The following MYO10 variants were observed in gnomAD, a reference collection of about 807,000 sequenced individuals.
MYO10 encodes the protein myosin X.
MYO10 carries 133 observed loss-of-function variants against 257.3 expected under a neutral mutation model. That is an observed-to-expected ratio of 0.52 (90% CI 0.45 to 0.60). The LOEUF is 0.60. MYO10 is among the 20% of genes least tolerant of loss of function. The pLI is 0.00. For missense variants in MYO10, 2,399 were observed against 2,635.7 expected (o/e 0.91, Z 1.97); for synonymous variants, 1,104 against 1,028.6 (o/e 1.07, Z -1.40).
At chr5:16,791,545 T>C (rs10051615) in intron 4 of MYO10, among the ~76,000 whole-genome samples, 3 of 35,604 alleles carry the variant, frequency 8.4e-5, no homozygotes, top group Admixed American at 5.3e-4. Flanking sequence ...AATACATACA[T>C]ACACACACAC....
intron 33 of MYO10, among the ~76,000 whole-genome samples, chr5:16,676,858 A>G (rs1169654185): frequency 1.3e-5 from 2 of 152,220 alleles, no homozygotes; most frequent in Admixed American, 6.5e-5. Flanking sequence ...AAGAGAGCAA[A>G]ATAAAAAAAA....
At chr5:16,820,376 C>T (rs1228802642) in intron 2 of MYO10, among the ~76,000 whole-genome samples, 1 of 152,118 alleles carries the variant, frequency 6.6e-6, no homozygotes, top group Non-Finnish European at 1.5e-5. Context: ...AGAAAAGTGC[C>T]GACCAGGGTG....
At chr5:16,683,021 A>G (rs959259238) in intron 30 of MYO10, among the ~76,000 whole-genome samples, 1 of 152,122 alleles carries the variant, frequency 6.6e-6, no homozygotes, top group Middle Eastern at 3.2e-3. Flanking sequence ...TATGACACAT[A>G]CGTGTTAAAG....
intron 2 of MYO10, among the ~76,000 whole-genome samples, chr5:16,823,463 TGGGGA>T (rs1561003851): frequency 2.1e-4 from 1 of 4,720 alleles, no homozygotes. Context: ...GGGGGGGGAG[TGGGGA>T]TTTTTTTTTT....
At chr5:16,680,315 T>TGGG (rs1442828714) in intron 32 of MYO10, among the ~76,000 whole-genome samples, 1 of 152,096 alleles carries the variant, frequency 6.6e-6, no homozygotes, top group Non-Finnish European at 1.5e-5. Flanking sequence ...ACAGCTGAGA[T>TGGG]GGGGAGATGA....
intron 4 of MYO10, among the ~76,000 whole-genome samples, chr5:16,787,177 C>CT (rs201031709): frequency 0.035 from 5,311 of 150,994 alleles, 292 homozygotes; most frequent in African/African-American, 0.12. Context: ...CCCTGTCTCT[C>CT]TTTTTTTTTG....
At chr5:16,792,024 C>A (rs1451726829) in intron 4 of MYO10, among the ~76,000 whole-genome samples, 1 of 151,884 alleles carries the variant, frequency 6.6e-6, no homozygotes, top group Non-Finnish European at 1.5e-5. Context: ...TATGGCCCAA[C>A]ACATTATTAG....
At position 16,935,684 on chromosome 5, in the gene MYO10, C is replaced by A. The variant is rs137989934; in HGVS notation, c.21+104G>T. 2.8e-4 allele frequency: 388 copies of A among 1,388,208 alleles called. 1 individual carries two copies. In the East Asian group the frequency reaches 7.5e-3, roughly 27 times the overall value. 86.0% of individuals were successfully genotyped at this position (1,388,208 alleles called of 1,614,324 possible). A position where few individuals can be genotyped will look rare whatever the true frequency, so the allele number is the denominator to read the frequency against. ...ATTTCAGGAGACTCCCAGAAAGTTG[C>A]GCCTTCCAGGGCTTAGGAAAAAGTA... On this transcript the variant is annotated intron_variant, in intron 1 of 40. Transcript: ENST00000513610.
intron 2 of MYO10, among the ~76,000 whole-genome samples, chr5:16,870,712 G>GAGA (rs1744429442): frequency 6.6e-6 from 1 of 152,072 alleles, no homozygotes; most frequent in Non-Finnish European, 1.5e-5. Flanking sequence ...GACCAACATG[G>GAGA]AGAAAGCCCA....
chr5:16,819,992 C>T (rs1742749155), intron 2 of MYO10, among the ~76,000 whole-genome samples: 6 of 152,200 alleles, frequency 3.9e-5, no homozygotes, highest in Admixed American at 3.9e-4. Context: ...AGACATCCAC[C>T]AGGAGAGGAG....
rs78633081 is a variant in MYO10 at position 16,897,550 on chromosome 5, G to C, written c.22-19843C>G. 2.6e-3 allele frequency among the ~76,000 whole-genome samples: 403 copies of C among 152,336 alleles called. 2 individuals are homozygous for C. The highest frequency in any genetic ancestry group is 8.9e-3 in the African/African-American group (371 of 41,570). ...TTGCAGACTTCTACAGAATGCAGAT[G>C]TGCTGCTCTCTCTCACCAACACCAG... is the stretch of plus-strand genomic sequence containing the variant. On this transcript the variant is annotated intron_variant, in intron 1 of 40. Coordinates refer to ENST00000513610, the MANE Select transcript of MYO10 (RefSeq NM_012334.3).
At chr5:16,800,385 C>T (rs985007732) in intron 3 of MYO10, among the ~76,000 whole-genome samples, 3 of 152,074 alleles carry the variant, frequency 2.0e-5, no homozygotes, top group Admixed American at 6.6e-5. Flanking sequence ...TAGGAAGACC[C>T]CATCTCTACT....
At chr5:16,732,741 C>T (rs1199300812) in intron 19 of MYO10, among the ~76,000 whole-genome samples, 1 of 152,152 alleles carries the variant, frequency 6.6e-6, no homozygotes, top group Non-Finnish European at 1.5e-5. Flanking sequence ...GAGGAAAATG[C>T]ATCCAGCAGC....
chr5:16,682,060 C>T (rs1443440427), intron 30 of MYO10, 47 bp from the exon 31 acceptor site: 2 of 1,592,498 alleles, frequency 1.3e-6, no homozygotes, highest in Non-Finnish European at 1.7e-6. Flanking sequence ...GCCCTACCGT[C>T]AGCATCACCT....
chr5:16,817,937 C>A (rs542527555), intron 3 of MYO10, 72 bp downstream of exon 3: 2 of 1,213,958 alleles, frequency 1.6e-6, no homozygotes, highest in African/African-American at 3.1e-5. Context: ...GCAAGAAATA[C>A]TCTCTGAAAA....
At chr5:16,738,439 G>A in intron 19 of MYO10, 1 of 984,018 alleles carries the variant, frequency 1.0e-6, no homozygotes, top group Non-Finnish European at 1.2e-6. Flanking sequence ...ACTCTTTTTG[G>A]AAATGTTTAG....
chr5:16,683,867 C>T lies in MYO10; in HGVS notation c.4046+13G>A. On this transcript the variant is annotated intron_variant, in intron 30 of 40. Coordinates refer to ENST00000513610, the MANE Select transcript of MYO10 (RefSeq NM_012334.3). ...GATGAGCTGTTTTTGTTAAGAGCCACATCTGAGCTTACCTATCAGGGCTGT... is the reference window on the plus strand; with the variant it reads ...GATGAGCTGTTTTTGTTAAGAGCCATATCTGAGCTTACCTATCAGGGCTGT... 1.2e-6 allele frequency: 2 copies of T among 1,613,578 alleles called. No homozygotes were observed. The highest frequency in any genetic ancestry group is 8.5e-7 in the Non-Finnish European group (1 of 1,179,700).
chr5:16,776,520 C>G (rs897702459), intron 9 of MYO10, among the ~76,000 whole-genome samples: 1 of 152,052 alleles, frequency 6.6e-6, no homozygotes, highest in Non-Finnish European at 1.5e-5. Flanking sequence ...AATGTATTAA[C>G]TAGAATAAAT....
chr5:16,683,893 CAG>C lies in MYO10; in HGVS notation c.4031_4032del (p.Ser1344Ter). 6.2e-7 allele frequency: 1 copy of C among 1,613,728 alleles called. No individual in the cohort carries two copies. Among genetic ancestry groups the C allele is most frequent in the Non-Finnish European group, 8.5e-7 (1 of 1,179,834 alleles). On this transcript the variant is annotated frameshift_variant, in exon 30 of 41. Transcript: ENST00000513610. LOFTEE classifies it high-confidence loss of function. ...ATCTGAGCTTACCTATCAGGGCTGT[CAG>C]AGGCACACACAGAATCAATCAGCCC... ...DVGLIDSVCASDSPDRPNSFV... is the reference protein window; with the variant it reads ...DVGLIDSVCAXDSPDRPNSFV...
Sources: allele counts gnomAD v4.1 joint callset (sites outside exome capture counted in the v4.1 genomes callset), GRCh38; gene constraint gnomAD v4.1.1; transcripts MANE v1.5; gene names NCBI Gene and HGNC (gene_info 2026-07-23, HGNC 2026-07-21).